The following HIVEP1 variants were observed in gnomAD, a reference collection of about 807,000 sequenced individuals.
HIVEP1 encodes zinc finger protein 40.
A neutral mutation model predicts 180.0 loss-of-function variants in HIVEP1; 36 were observed. The observed-to-expected ratio is 0.20, with a 90% confidence interval of 0.15 to 0.26. The LOEUF (loss-of-function observed/expected upper bound fraction) is 0.26, where lower values mean the gene tolerates loss of function less well. HIVEP1 is among the 10% of genes least tolerant of loss of function. HIVEP1 has a pLI of 1.00. For missense variants in HIVEP1, 3,143 were observed against 3,268.7 expected (o/e 0.96, Z 0.94); for synonymous variants, 1,239 against 1,239.0 (o/e 1.00, Z 0.00).
rs188080640 is a variant in HIVEP1 at position 12,107,968 on chromosome 6, C to G, written c.95-11922C>G. 1.7e-3 allele frequency among the ~76,000 whole-genome samples: 265 copies of G among 152,234 alleles called. 6 individuals are homozygous for G. In the Middle Eastern group the frequency reaches 0.027, roughly 16 times the overall value. ...TACAGAGTGTGGACACAAAGGTTCTCGAAGGCCCCACCAGAGTAGCTAGAT... is the reference window on the plus strand; with the variant it reads ...TACAGAGTGTGGACACAAAGGTTCTGGAAGGCCCCACCAGAGTAGCTAGAT... On this transcript the variant is annotated intron_variant, in intron 3 of 8. Coordinates refer to ENST00000379388, the MANE Select transcript of HIVEP1 (RefSeq NM_002114.4).
chr6:12,189,884 A>T, the HIVEP1 span, among the ~76,000 whole-genome samples: 6 of 152,338 alleles, frequency 3.9e-5, no homozygotes, highest in East Asian at 1.2e-3. Context: ...TAAGGAAGAG[A>T]TTCAATAAAC....
intron 2 of HIVEP1, among the ~76,000 whole-genome samples, chr6:12,050,525 G>A (rs1327205853): frequency 2.0e-5 from 3 of 151,930 alleles, no homozygotes; most frequent in Non-Finnish European, 2.9e-5. Flanking sequence ...GGCGGAGCTT[G>A]CAGTGAGCCG....
At chr6:12,056,173 G>A (rs544764559) in intron 2 of HIVEP1, among the ~76,000 whole-genome samples, 15 of 152,108 alleles carry the variant, frequency 9.9e-5, no homozygotes, top group Non-Finnish European at 1.6e-4. Context: ...CAGAAAATAA[G>A]TTTAAATGTC....
intron 2 of HIVEP1, 93 bp downstream of exon 2, chr6:12,015,761 G>A: frequency 8.8e-7 from 1 of 1,141,082 alleles, no homozygotes; most frequent in South Asian, 1.3e-5. Context: ...GTTAGATGTT[G>A]ACCCTGCCTG....
chr6:12,042,759 A>T (rs939184235), intron 2 of HIVEP1, among the ~76,000 whole-genome samples: 1 of 152,156 alleles, frequency 6.6e-6, no homozygotes, highest in African/African-American at 2.4e-5. Flanking sequence ...GTAGTTTTTT[A>T]AAAAACTTTC....
chr6:12,100,409 T>C (rs1561938841), intron 3 of HIVEP1, among the ~76,000 whole-genome samples: 1 of 152,194 alleles, frequency 6.6e-6, no homozygotes, highest in Non-Finnish European at 1.5e-5. Flanking sequence ...AATATTTGTT[T>C]AGTAGTGGAG....
chr6:12,040,607 C>T (rs1267029501), intron 2 of HIVEP1, among the ~76,000 whole-genome samples: 1 of 152,158 alleles, frequency 6.6e-6, no homozygotes, highest in Non-Finnish European at 1.5e-5. Context: ...ACTTTTTGCT[C>T]AATGCATATA....
At position 12,089,495 on chromosome 6, in the gene HIVEP1, A is replaced by T. The variant is rs80069345; in HGVS notation, c.94+258A>T. ...GAAAGGTTATTGCAGCTCTTTTGAAAGTCCTGTTTGTGAGACTGTCCTGTA... is the reference window on the plus strand; with the variant it reads ...GAAAGGTTATTGCAGCTCTTTTGAATGTCCTGTTTGTGAGACTGTCCTGTA... On this transcript the variant is annotated intron_variant, in intron 3 of 8. Transcript: ENST00000379388. Among the ~76,000 whole-genome samples, 923 of 152,254 alleles carry T rather than the reference A, an allele frequency of 6.1e-3. 5 individuals carry two copies. Among genetic ancestry groups the T allele is most frequent in the Non-Finnish European group, 0.01 (712 of 67,998 alleles).
chr6:12,049,108 T>C (rs2113709432), intron 2 of HIVEP1, among the ~76,000 whole-genome samples: 1 of 152,282 alleles, frequency 6.6e-6, no homozygotes, highest in Middle Eastern at 3.4e-3. Flanking sequence ...GGGGTGATTC[T>C]CCCAAGCCTT....
At chr6:12,210,838 C>T in the HIVEP1 span, among the ~76,000 whole-genome samples, 10 of 152,266 alleles carry the variant, frequency 6.6e-5, no homozygotes, top group African/African-American at 2.2e-4. Context: ...GTGGTTTCCC[C>T]TGGAATAGAT....
chr6:12,171,904 G>C, the HIVEP1 span, among the ~76,000 whole-genome samples: 1 of 152,102 alleles, frequency 6.6e-6, no homozygotes, highest in Non-Finnish European at 1.5e-5. Context: ...GGATCAGCCG[G>C]GGAGGCAATG....
chr6:12,165,717 T>G (rs1259048180), downstream of HIVEP1, among the ~76,000 whole-genome samples: 1 of 152,230 alleles, frequency 6.6e-6, no homozygotes, highest in Non-Finnish European at 1.5e-5. Context: ...ATTAAGTCAA[T>G]GTATTCACAT....
the HIVEP1 span, among the ~76,000 whole-genome samples, chr6:12,208,236 C>T: frequency 0.014 from 2,113 of 152,250 alleles, 46 homozygotes; most frequent in African/African-American, 0.048. Context: ...ACACCTCACC[C>T]TTTTTGAGCA....
At chr6:12,137,277 T>C in intron 7 of HIVEP1, among the ~76,000 whole-genome samples, 1 of 152,248 alleles carries the variant, frequency 6.6e-6, no homozygotes, top group East Asian at 1.9e-4. Context: ...TTCAAGAAGA[T>C]GAGTCTTATA....
the HIVEP1 span, among the ~76,000 whole-genome samples, chr6:12,187,301 G>A: frequency 6.6e-6 from 1 of 152,106 alleles, no homozygotes; most frequent in South Asian, 2.1e-4. Flanking sequence ...ACAGGTGGGG[G>A]TCTAATGGGA....
At chr6:12,211,520 A>G in the HIVEP1 span, among the ~76,000 whole-genome samples, 1 of 150,644 alleles carries the variant, frequency 6.6e-6, no homozygotes, top group Non-Finnish European at 1.5e-5. Flanking sequence ...ATAAACATAG[A>G]TATTTATGTA....
intron 3 of HIVEP1, among the ~76,000 whole-genome samples, chr6:12,101,595 C>A (rs1774116504): frequency 6.6e-6 from 1 of 151,648 alleles, no homozygotes; most frequent in Non-Finnish European, 1.5e-5. Flanking sequence ...AATCAAAAAT[C>A]TCTATAAATG....
chr6:12,034,573 G>A (rs1769159244), intron 2 of HIVEP1, among the ~76,000 whole-genome samples: 1 of 152,190 alleles, frequency 6.6e-6, no homozygotes, highest in South Asian at 2.1e-4. Flanking sequence ...AGTGATAAGG[G>A]CTATGGAACA....
intron 4 of HIVEP1, 143 bp downstream of exon 4, chr6:12,126,013 T>C: frequency 1.6e-6 from 1 of 612,768 alleles, no homozygotes; most frequent in Non-Finnish European, 2.8e-6. Flanking sequence ...AAAGACAGGG[T>C]GATATATTTA....
Sources: allele counts gnomAD v4.1 joint callset (sites outside exome capture counted in the v4.1 genomes callset), GRCh38; gene constraint gnomAD v4.1.1; transcripts MANE v1.5; gene names NCBI Gene and HGNC (gene_info 2026-07-23, HGNC 2026-07-21).